DYNC1I1: variants seen among roughly 807,000 people sequenced by gnomAD.
DYNC1I1 encodes the protein dynein cytoplasmic 1 intermediate chain 1.
Under a neutral mutation model 86.6 loss-of-function variants are expected in DYNC1I1, and 43 were observed. The observed-to-expected ratio is 0.50, with a 90% CI of 0.39 to 0.64. The LOEUF (loss-of-function observed/expected upper bound fraction) is 0.64. Among genes scored for constraint, DYNC1I1 ranks in the 30% least tolerant of loss-of-function variants. DYNC1I1 has a pLI of 0.00. For synonymous variants in DYNC1I1, 262 were observed against 283.7 expected (o/e 0.92, Z 0.77); for missense variants, 604 against 788.8 (o/e 0.77, Z 2.81).
chr7:96,024,697 T>C (rs1230692154), intron 10 of DYNC1I1, among the ~76,000 whole-genome samples: 1 of 152,214 alleles, frequency 6.6e-6, no homozygotes, highest in African/African-American at 2.4e-5. Flanking sequence ...ATAATTTTTT[T>C]AGATTTTATC....
At chr7:95,964,424 G>A (rs904467791) in intron 6 of DYNC1I1, among the ~76,000 whole-genome samples, 2 of 152,178 alleles carry the variant, frequency 1.3e-5, no homozygotes, top group Admixed American at 1.3e-4. Flanking sequence ...CTGGCCTATA[G>A]AATTGATGAG....
intron 6 of DYNC1I1, among the ~76,000 whole-genome samples, chr7:95,960,569 T>C (rs1342459841): frequency 2.6e-5 from 4 of 152,238 alleles, no homozygotes; most frequent in Non-Finnish European, 5.9e-5. Context: ...AACACTTAGT[T>C]GACAAACTTG....
intron 10 of DYNC1I1, among the ~76,000 whole-genome samples, chr7:96,013,836 C>G (rs1030189638): frequency 3.3e-5 from 5 of 152,142 alleles, no homozygotes; most frequent in African/African-American, 1.2e-4. Flanking sequence ...AAGAGAAGCC[C>G]ATCTCCTGCC....
chr7:95,989,003 T>C (rs1793664386), intron 9 of DYNC1I1, among the ~76,000 whole-genome samples: 1 of 152,190 alleles, frequency 6.6e-6, no homozygotes, highest in African/African-American at 2.4e-5. Flanking sequence ...TCTTAACCAC[T>C]GCCTCTCACA....
intron 6 of DYNC1I1, among the ~76,000 whole-genome samples, chr7:95,920,938 G>A (rs868700159): frequency 5.3e-5 from 8 of 152,248 alleles, no homozygotes; most frequent in Non-Finnish European, 1.0e-4. Flanking sequence ...ACTATCCTTG[G>A]AGGAGGATTC....
chr7:96,105,039 AT>A (rs68072567), intron 16 of DYNC1I1, among the ~76,000 whole-genome samples: 29,781 of 150,532 alleles, frequency 0.2, 3,199 homozygotes, highest in East Asian at 0.34. Flanking sequence ...TTGTGCAAAC[AT>A]TTTTTTTTCA....
chr7:96,097,922 C>G lies in DYNC1I1; in HGVS notation c.*329C>G, dbSNP rs1213877138. 2 of 1,055,802 alleles carry G rather than the reference C, an allele frequency of 1.9e-6. No homozygotes were observed. Among genetic ancestry groups the G allele is most frequent in the African/African-American group, 3.3e-5 (2 of 60,332 alleles). The allele number at this position is 1,055,802 out of a possible 1,614,324, so 65.4% of individuals were successfully genotyped here. On this transcript the variant is annotated 3_prime_UTR_variant, in exon 17 of 17. Transcript: ENST00000447467. ...GGTTAAATTTGTGCTTACATGCACTCCTGGCATAGTCCTATTAAATCCATA... is the reference window on the plus strand; with the variant it reads ...GGTTAAATTTGTGCTTACATGCACTGCTGGCATAGTCCTATTAAATCCATA...
At chr7:95,872,308 G>A (rs1790194101) in intron 6 of DYNC1I1, among the ~76,000 whole-genome samples, 5 of 152,168 alleles carry the variant, frequency 3.3e-5, no homozygotes, top group Non-Finnish European at 7.3e-5. Flanking sequence ...TGAAGCTCTG[G>A]CATATATAAC....
intron 14 of DYNC1I1, among the ~76,000 whole-genome samples, chr7:96,049,527 T>C (rs1276224979): frequency 6.6e-6 from 1 of 152,094 alleles, no homozygotes; most frequent in Non-Finnish European, 1.5e-5. Context: ...ATTGGGTAAC[T>C]TGGAGTCATC....
chr7:95,826,375 A>G (rs552312144), intron 4 of DYNC1I1, among the ~76,000 whole-genome samples: 3 of 152,220 alleles, frequency 2.0e-5, no homozygotes, highest in Non-Finnish European at 4.4e-5. Context: ...TCAAAGAAAC[A>G]TTAAGAGTAG....
chr7:95,987,185 T>A (rs760690469), intron 9 of DYNC1I1, 30 bp downstream of exon 9: 14 of 1,572,314 alleles, frequency 8.9e-6, no homozygotes, highest in Non-Finnish European at 1.0e-5. Context: ...TGGGACAAAC[T>A]GGGCTTGTGT....
At chr7:95,846,191 CT>C (rs1164567302) in intron 5 of DYNC1I1, among the ~76,000 whole-genome samples, 1 of 152,126 alleles carries the variant, frequency 6.6e-6, no homozygotes, top group African/African-American at 2.4e-5. Flanking sequence ...AGAAAACACA[CT>C]TCTGTACCTT....
chr7:95,957,541 G>A (rs1792749228), intron 6 of DYNC1I1, among the ~76,000 whole-genome samples: 1 of 152,150 alleles, frequency 6.6e-6, no homozygotes, highest in Non-Finnish European at 1.5e-5. Flanking sequence ...GGTCTTGTCT[G>A]AGAAGTTCTT....
chr7:95,885,721 A>G (rs1790576184), intron 6 of DYNC1I1, among the ~76,000 whole-genome samples: 1 of 152,156 alleles, frequency 6.6e-6, no homozygotes, highest in Non-Finnish European at 1.5e-5. Flanking sequence ...TCCTAGCTTC[A>G]AGCAGTCCTC....
intron 13 of DYNC1I1, 114 bp from the exon 14 acceptor site, chr7:96,039,163 T>G: frequency 8.6e-7 from 1 of 1,163,156 alleles, no homozygotes; most frequent in Non-Finnish European, 1.2e-6. Context: ...TGGTGTGTGG[T>G]TGTTCTAAAT....
At chr7:95,979,659 T>C (rs319323) in intron 7 of DYNC1I1, among the ~76,000 whole-genome samples, 8,221 of 152,258 alleles carry the variant, frequency 0.054, 697 homozygotes, top group African/African-American at 0.18. Flanking sequence ...GTTGGAGAAC[T>C]ATCATTAAAG....
intron 1 of DYNC1I1, among the ~76,000 whole-genome samples, chr7:95,798,344 T>G (rs17407962): frequency 2.0e-5 from 3 of 151,958 alleles, no homozygotes. Context: ...TTTTTTTGAC[T>G]GAGCTATAGC....
At chr7:96,038,447 A>C (rs1788937701) in intron 13 of DYNC1I1, among the ~76,000 whole-genome samples, 1 of 152,232 alleles carries the variant, frequency 6.6e-6, no homozygotes, top group Admixed American at 6.5e-5. Context: ...AGCTTAGTTA[A>C]ATAAGCAAGA....
chr7:95,876,315 A>G (rs558851842), intron 6 of DYNC1I1, among the ~76,000 whole-genome samples: 9 of 152,144 alleles, frequency 5.9e-5, no homozygotes, highest in Non-Finnish European at 1.0e-4. Context: ...TCATTCTACC[A>G]TGGAGTCTCA....
Sources: allele counts gnomAD v4.1 joint callset (sites outside exome capture counted in the v4.1 genomes callset), GRCh38; gene constraint gnomAD v4.1.1; transcripts MANE v1.5; gene names NCBI Gene and HGNC (gene_info 2026-07-23, HGNC 2026-07-21).